Variants in B3GALT1 observed in about 807,000 individuals in gnomAD.
B3GALT1 encodes beta-1,3-galactosyltransferase 1, also known as UDP-Gal:betaGlcNAc beta 1,3-galactosyltransferase, polypeptide 1.
Under a neutral mutation model 23.2 loss-of-function variants are expected in B3GALT1, and 10 were observed. The ratio of observed to expected loss-of-function variants is 0.43; its 90% CI spans 0.27 to 0.73. B3GALT1 has a LOEUF of 0.73. B3GALT1 is among the 30% of genes least tolerant of loss of function. The probability of loss-of-function intolerance (pLI) is 0.21; values close to 1 mark genes in which losing one functional copy is unlikely to be tolerated. For missense variants in B3GALT1, 299 were observed against 405.4 expected, an observed-to-expected ratio of 0.74 and a Z score of 2.25; for synonymous variants, 156 against 141.5, an observed-to-expected ratio of 1.10 and a Z score of -0.73.
chr2:167,495,904 A>G (rs1255669460), intron 2 of B3GALT1, among the ~76,000 whole-genome samples: 1 of 152,168 alleles, frequency 6.6e-6, no homozygotes, highest in Non-Finnish European at 1.5e-5. Flanking sequence ...ATTAAAAGGA[A>G]TTATGGCTTT....
At chr2:167,377,944 A>G (rs1012720873) in intron 1 of B3GALT1, among the ~76,000 whole-genome samples, 2 of 152,052 alleles carry the variant, frequency 1.3e-5, no homozygotes, top group African/African-American at 2.4e-5. Context: ...TTTGTTTTTC[A>G]TGGTAACAGG....
intron 4 of B3GALT1, among the ~76,000 whole-genome samples, chr2:167,865,125 C>G (rs527631192): frequency 5.3e-5 from 8 of 152,120 alleles, no homozygotes; most frequent in African/African-American, 1.2e-4. Flanking sequence ...AACAAACTCT[C>G]AGCTGGGCAA....
chr2:167,363,240 G>A (rs1348413276), intron 1 of B3GALT1, among the ~76,000 whole-genome samples: 3 of 151,734 alleles, frequency 2.0e-5, no homozygotes, highest in African/African-American at 7.3e-5. Context: ...TCTGACGCAC[G>A]CCTCTAAAAT....
chr2:167,497,629 A>AG (rs1327327341), intron 2 of B3GALT1, among the ~76,000 whole-genome samples: 1 of 152,090 alleles, frequency 6.6e-6, no homozygotes, highest in African/African-American at 2.4e-5. Context: ...AAAGAACCTG[A>AG]GGGAGATTGG....
intron 3 of B3GALT1, among the ~76,000 whole-genome samples, chr2:167,763,377 T>C (rs1687924797): frequency 6.6e-6 from 1 of 152,150 alleles, no homozygotes; most frequent in African/African-American, 2.4e-5. Context: ...AGTTTATCAA[T>C]AAAAAAGTAA....
At chr2:167,632,143 C>G (rs1206030975) in intron 2 of B3GALT1, among the ~76,000 whole-genome samples, 2 of 152,086 alleles carry the variant, frequency 1.3e-5, no homozygotes, top group East Asian at 3.9e-4. Context: ...TTTATGGCTG[C>G]ATAGTATTCC....
chr2:167,558,003 G>A (rs1683884853), intron 2 of B3GALT1: 1 of 152,160 alleles, frequency 6.6e-6, no homozygotes, highest in African/African-American at 2.4e-5. Flanking sequence ...ATTGTTTCCT[G>A]CTTCAGAATG....
At chr2:167,402,305 TA>T (rs531521504) in intron 1 of B3GALT1, among the ~76,000 whole-genome samples, 5 of 152,068 alleles carry the variant, frequency 3.3e-5, no homozygotes, top group African/African-American at 1.2e-4. Flanking sequence ...ATATTTCTAA[TA>T]AAAAAAGTTT....
Position 167,654,529 on chromosome 2 carries a change from T to C in B3GALT1, c.-352+7563T>C, listed in dbSNP as rs139879577. Among the ~76,000 whole-genome samples the C allele has an allele frequency of 6.8e-3, 1,028 of 152,258 alleles. 5 individuals are homozygous for C. The highest frequency in any genetic ancestry group is 9.2e-3 in the Non-Finnish European group (623 of 68,008). On this transcript the variant is annotated intron_variant, in intron 3 of 4. Transcript: ENST00000392690. ...TCTTTCTTTTTTTTGAGACAGGGCC[T>C]CACTGTGCCACTCAGGCTGGAGTAC...
chr2:167,793,105 C>A (rs1420450446), intron 3 of B3GALT1, among the ~76,000 whole-genome samples: 7 of 152,096 alleles, frequency 4.6e-5, no homozygotes, highest in Non-Finnish European at 7.4e-5. Context: ...CAAGTAAGCC[C>A]AGAATTAGTC....
chr2:167,748,876 A>G (rs1409514109), intron 3 of B3GALT1, among the ~76,000 whole-genome samples: 1 of 152,166 alleles, frequency 6.6e-6, no homozygotes, highest in Non-Finnish European at 1.5e-5. Flanking sequence ...ATAATAAGTG[A>G]TGAGAATCAT....
intron 3 of B3GALT1, among the ~76,000 whole-genome samples, chr2:167,672,224 C>T (rs932827603): frequency 3.3e-5 from 5 of 152,022 alleles, no homozygotes; most frequent in Admixed American, 6.6e-5. Context: ...CCTTACGATC[C>T]CCATCTACCT....
chr2:167,758,913 G>C (rs11889715), intron 3 of B3GALT1, among the ~76,000 whole-genome samples: 42,286 of 151,888 alleles, frequency 0.28, 6,226 homozygotes, highest in African/African-American at 0.36. Flanking sequence ...TGGGTACTCT[G>C]TATGGAAAGA....
intron 3 of B3GALT1, among the ~76,000 whole-genome samples, chr2:167,698,929 A>T (rs1686828253): frequency 6.6e-6 from 1 of 152,222 alleles, no homozygotes; most frequent in South Asian, 2.1e-4. Flanking sequence ...TCTTCAGAGG[A>T]TACTGTTTGT....
intron 2 of B3GALT1, among the ~76,000 whole-genome samples, chr2:167,512,145 G>A (rs531866247): frequency 2.4e-4 from 37 of 152,156 alleles, no homozygotes; most frequent in African/African-American, 7.2e-4. Flanking sequence ...ATAATTTGAA[G>A]TAAATGTAAT....
chr2:167,378,791 A>T (rs1456261474), intron 1 of B3GALT1, among the ~76,000 whole-genome samples: 2 of 152,056 alleles, frequency 1.3e-5, no homozygotes, highest in Non-Finnish European at 2.9e-5. Flanking sequence ...CTTGCAATCC[A>T]TGCATTGAGT....
intron 3 of B3GALT1, among the ~76,000 whole-genome samples, chr2:167,673,750 C>T (rs1034445264): frequency 1.3e-5 from 2 of 151,936 alleles, no homozygotes; most frequent in Non-Finnish European, 2.9e-5. Flanking sequence ...AAATTATCTA[C>T]TTCAGAATTA....
At chr2:167,484,299 A>C (rs1559110731) in intron 1 of B3GALT1, among the ~76,000 whole-genome samples, 1 of 152,170 alleles carries the variant, frequency 6.6e-6, no homozygotes, top group Non-Finnish European at 1.5e-5. Context: ...ATGTCAACAA[A>C]AAAAAAGTCA....
chr2:167,359,492 AT>A (rs1341613782), intron 1 of B3GALT1, among the ~76,000 whole-genome samples: 1 of 152,140 alleles, frequency 6.6e-6, no homozygotes, highest in Non-Finnish European at 1.5e-5. Context: ...ATATATACAC[AT>A]TTTTTAATGT....
Sources: allele counts gnomAD v4.1 joint callset (sites outside exome capture counted in the v4.1 genomes callset), GRCh38; gene constraint gnomAD v4.1.1; transcripts MANE v1.5; gene names NCBI Gene and HGNC (gene_info 2026-07-23, HGNC 2026-07-21).